The following MROH7 variants were observed in gnomAD, a reference collection of about 807,000 sequenced individuals.
MROH7 encodes maestro heat-like repeat-containing protein family member 7.
Under a neutral mutation model 129.2 loss-of-function variants are expected in MROH7, and 113 were observed. The ratio of observed to expected loss-of-function variants is 0.87; its 90% CI spans 0.75 to 1.02. MROH7 has a LOEUF of 1.02. MROH7 is among the 50% of genes least tolerant of loss of function. The pLI is 0.00. For missense variants in MROH7, 1,601 were observed against 1,671.3 expected, an observed-to-expected ratio of 0.96 and a Z score of 0.73; for synonymous variants, 655 against 667.9, an observed-to-expected ratio of 0.98 and a Z score of 0.30.
Position 54,653,686 on chromosome 1 carries a change from A to G in MROH7, c.760A>G (p.Asn254Asp). 6.2e-7 allele frequency: 1 copy of G among 1,614,090 alleles called. No homozygotes were observed. Among genetic ancestry groups the G allele is most frequent in the Non-Finnish European group, 8.5e-7 (1 of 1,179,998 alleles). The change falls in exon 3 of 24, where the codon AAT becomes GAT. Residue 254 changes from asparagine to aspartate, a missense_variant. By Grantham distance (23) the Asn-to-Asp change is conservative (BLOSUM62 1). Transcript: ENST00000421030. ...TNETITLASH[N>D]ISESVSKGAF... ...TGAGACCATCACTTTGGCTTCACATAATATCTCTGAGTCTGTTTCAAAAGG... is the reference window on the plus strand; with the variant it reads ...TGAGACCATCACTTTGGCTTCACATGATATCTCTGAGTCTGTTTCAAAAGG...
intron 1 of MROH7, among the ~76,000 whole-genome samples, chr1:54,645,642 T>G (rs116667300): frequency 0.023 from 2,904 of 126,968 alleles, 84 homozygotes; most frequent in Admixed American, 0.1. Context: ...TCTTTTCTTT[T>G]CTTTCTTTCT....
chr1:54,700,565 ACAT>A, intron 18 of MROH7, 104 bp downstream of exon 18: 1 of 1,132,024 alleles, frequency 8.8e-7, no homozygotes, highest in Non-Finnish European at 1.2e-6. Context: ...CTGGAATGAG[ACAT>A]CATTTCTATC....
At chr1:54,659,094 G>GTTTGT (rs1310056019) in intron 3 of MROH7, 6 of 438,308 alleles carry the variant, frequency 1.4e-5, no homozygotes, top group Non-Finnish European at 2.7e-5. Context: ...TTGTTTGTTT[G>GTTTGT]TTTGTTTTGT....
In MROH7 at chr1:54,703,545, A is replaced by G. The variant is rs187575815; in HGVS notation, c.3564+800A>G. On this transcript the variant is annotated intron_variant, in intron 21 of 23. Transcript: ENST00000421030. This position sits in a 1 kb window ranked among gnomAD's most constrained non-coding sequence, Gnocchi z 4.4. ...AGGAAATGTGTTCATGGTTCTTCAT[A>G]TAATAGTTTCCCAAACTTATTTAAC... 6.6e-6 allele frequency among the ~76,000 whole-genome samples: 1 copy of G among 152,112 alleles called. No homozygotes were observed. The highest frequency in any genetic ancestry group is 2.4e-5 in the African/African-American group (1 of 41,500).
chr1:54,646,221 G>C (rs551701101), intron 1 of MROH7, among the ~76,000 whole-genome samples: 17 of 152,214 alleles, frequency 1.1e-4, no homozygotes, highest in Non-Finnish European at 4.4e-5. Flanking sequence ...AGAGATCCAG[G>C]GTTCTGCTGA....
At chr1:54,656,462 A>G (rs1040957052) in intron 3 of MROH7, among the ~76,000 whole-genome samples, 6 of 144,072 alleles carry the variant, frequency 4.2e-5, no homozygotes, top group African/African-American at 7.8e-5. Flanking sequence ...GTGAGCCGAG[A>G]TTGAGCCACT....
chr1:54,674,719 A>C (rs572650275), intron 10 of MROH7, among the ~76,000 whole-genome samples: 2 of 152,310 alleles, frequency 1.3e-5, no homozygotes, highest in African/African-American at 4.8e-5. Flanking sequence ...ATGGGCTGAC[A>C]CAGGTATCCA....
chr1:54,692,316 G>A, intron 15 of MROH7, 108 bp from the exon 16 acceptor site: 3 of 1,409,006 alleles, frequency 2.1e-6, no homozygotes, highest in Non-Finnish European at 2.9e-6. Flanking sequence ...ACCTAAAATG[G>A]TGAAGAGAAG....
At chr1:54,697,069 ACT>A (rs1337451443) in intron 17 of MROH7, 1 of 151,880 alleles carries the variant, frequency 6.6e-6, no homozygotes, top group Non-Finnish European at 1.5e-5. Context: ...CGTAAAACCC[ACT>A]CTTTTAACCA....
chr1:54,709,848 G>T, intron 23 of MROH7, 98 bp from the exon 24 acceptor site: 1 of 1,421,008 alleles, frequency 7.0e-7, no homozygotes, highest in Admixed American at 2.0e-5. Context: ...CAAGCAGAGG[G>T]TGCCTAAGCC....
chr1:54,666,347 A>T (rs1037261939), intron 4 of MROH7, among the ~76,000 whole-genome samples: 1 of 151,178 alleles, frequency 6.6e-6, no homozygotes, highest in African/African-American at 2.4e-5. Flanking sequence ...TCAGAAACTT[A>T]TATACCATTT....
chr1:54,665,079 G>T, intron 3 of MROH7, 88 bp from the exon 4 acceptor site: 1 of 972,518 alleles, frequency 1.0e-6, no homozygotes, highest in East Asian at 2.4e-5. Flanking sequence ...GATTGGAGGT[G>T]CCTAGAGGGG....
intron 10 of MROH7, among the ~76,000 whole-genome samples, chr1:54,674,985 CT>C (rs59158366): frequency 0.047 from 6,952 of 149,214 alleles, 214 homozygotes; most frequent in Non-Finnish European, 0.067. Flanking sequence ...ATAATTCATG[CT>C]TTTTTTTTTG....
intron 23 of MROH7, 100 bp from the exon 24 acceptor site, chr1:54,709,845 AG>A: frequency 7.2e-7 from 1 of 1,386,912 alleles, no homozygotes; most frequent in Non-Finnish European, 9.9e-7. Flanking sequence ...TGCCAAGCAG[AG>A]GGTGCCTAAG....
intron 15 of MROH7, among the ~76,000 whole-genome samples, chr1:54,687,430 T>G (rs1306320896): frequency 6.6e-6 from 1 of 152,236 alleles, no homozygotes; most frequent in Non-Finnish European, 1.5e-5. Flanking sequence ...AGGATCCCAG[T>G]GCACCATAAT....
chr1:54,653,587 G>A lies in MROH7; in HGVS notation c.661G>A (p.Gly221Ser). 1 of 1,614,048 alleles carries A rather than the reference G, an allele frequency of 6.2e-7. No individual in the cohort carries two copies. Among genetic ancestry groups the A allele is most frequent in the Non-Finnish European group, 8.5e-7 (1 of 1,180,022 alleles). The part of the protein sequence containing the change: ...DLDSNPLLNM[G>S]SRNTSKLNLN... Reference sequence around the variant, plus strand: ...TGACTCCAATCCATTGCTCAACATGGGCTCAAGAAACACCTCCAAGCTGAA... The same window carrying A: ...TGACTCCAATCCATTGCTCAACATGAGCTCAAGAAACACCTCCAAGCTGAA... Residue 221 changes from glycine to serine, a missense_variant, in exon 3 of 24, where the codon GGC (glycine) becomes AGC (serine). Transcript: ENST00000421030.
chr1:54,650,156 T>C (rs1040772172), intron 1 of MROH7, among the ~76,000 whole-genome samples: 1 of 152,172 alleles, frequency 6.6e-6, no homozygotes, highest in Non-Finnish European at 1.5e-5. Context: ...ATGTACTCCA[T>C]GCCAGGCACT....
intron 3 of MROH7, among the ~76,000 whole-genome samples, chr1:54,660,552 G>A (rs1453055219): frequency 6.6e-6 from 1 of 152,130 alleles, no homozygotes. Context: ...AGTGGCTCAC[G>A]CCTGTAATCC....
chr1:54,682,644 C>G lies in MROH7; in HGVS notation c.2382-12C>G. The G allele has an allele frequency of 6.2e-7, 1 of 1,611,016 alleles. No homozygotes were observed. Among genetic ancestry groups the G allele is most frequent in the South Asian group, 1.1e-5 (1 of 90,554 alleles). Reference sequence around the variant, plus strand: ...TGGCCACCACTAATTGCCCACATCCCTGACCTCTCAGCAATGGAGCAGAGA... The same window carrying G: ...TGGCCACCACTAATTGCCCACATCCGTGACCTCTCAGCAATGGAGCAGAGA... On this transcript the variant is annotated splice_polypyrimidine_tract_variant and intron_variant, in intron 13 of 23. Transcript: ENST00000421030.
Sources: gnomAD v4.1 joint callset for allele counts (sites outside exome capture counted in the v4.1 genomes callset) on GRCh38, gnomAD v4.1.1 for gene constraint, Gnocchi (gnomAD v3.1) non-coding constraint, MANE v1.5 for transcripts, NCBI Gene and HGNC (gene_info 2026-07-23, HGNC 2026-07-21) for gene names.